Variants in LRRC4C observed in about 807,000 individuals in gnomAD.
LRRC4C encodes leucine-rich repeat-containing protein 4C.
A neutral mutation model predicts 33.6 loss-of-function variants in LRRC4C; 5 were observed. That is an observed-to-expected ratio of 0.15 (90% confidence interval 0.08 to 0.31). LRRC4C has a LOEUF of 0.31. Ranked by LOEUF, LRRC4C falls within the 10% of genes least tolerant of loss-of-function variation. LRRC4C has a pLI of 1.00. For synonymous variants in LRRC4C, 329 were observed against 302.0 expected (o/e 1.09, Z -0.93); for missense variants, 560 against 796.7 (o/e 0.70, Z 3.58).
At chr11:40,296,336 G>A (rs1398915971) in intron 4 of LRRC4C, among the ~76,000 whole-genome samples, 1 of 152,068 alleles carries the variant, frequency 6.6e-6, no homozygotes, top group South Asian at 2.1e-4. Context: ...ATATGGCATG[G>A]TTTTTTGTTA....
intron 2 of LRRC4C, among the ~76,000 whole-genome samples, chr11:40,663,106 A>T (rs1943536267): frequency 6.6e-6 from 1 of 152,182 alleles, no homozygotes; most frequent in Non-Finnish European, 1.5e-5. Flanking sequence ...TTTGAGACGG[A>T]GTCTCACTCT....
intron 2 of LRRC4C, among the ~76,000 whole-genome samples, chr11:40,708,188 G>A (rs1339978220): frequency 6.6e-6 from 1 of 151,830 alleles, no homozygotes; most frequent in Non-Finnish European, 1.5e-5. Context: ...TTTTTTGAAG[G>A]GTTTTTTTTA....
intron 1 of LRRC4C, among the ~76,000 whole-genome samples, chr11:41,061,201 G>T (rs1014717758): frequency 6.6e-6 from 1 of 152,156 alleles, no homozygotes; most frequent in Non-Finnish European, 1.5e-5. Context: ...TTGAGTGGAA[G>T]GGGAAGGAGT....
At chr11:40,167,241 C>T (rs1859670765) in intron 5 of LRRC4C, among the ~76,000 whole-genome samples, 1 of 152,156 alleles carries the variant, frequency 6.6e-6, no homozygotes, top group Non-Finnish European at 1.5e-5. Flanking sequence ...TACATAGCCT[C>T]TGTTTCGACC....
At position 40,586,480 on chromosome 11, in the gene LRRC4C, T is replaced by G. The variant is rs1434974595; in HGVS notation, c.-270+61662A>C. On this transcript the variant is annotated intron_variant, in intron 3 of 6. Coordinates refer to ENST00000528697, the MANE Select transcript of LRRC4C (RefSeq NM_001258419.2). ...CTGTGCAGAAGCTCTTTAGTTTAAT[T>G]AGATCCCATTTGTCAATTTTCTCTT... Among the ~76,000 whole-genome samples the G allele has an allele frequency of 2.7e-3, 395 of 147,504 alleles. 4 individuals are homozygous for G. Among genetic ancestry groups the G allele is most frequent in the African/African-American group, 8.9e-3 (339 of 38,252 alleles).
chr11:40,699,457 T>C (rs753211389), intron 2 of LRRC4C, among the ~76,000 whole-genome samples: 3 of 152,140 alleles, frequency 2.0e-5, no homozygotes, highest in Non-Finnish European at 4.4e-5. Flanking sequence ...ATTATGAGAA[T>C]GAGGAAACAA....
Position 40,259,683 on chromosome 11 carries a change from T to G in LRRC4C, c.-175-18085A>C, listed in dbSNP as rs113461840. 5.8e-3 allele frequency among the ~76,000 whole-genome samples: 886 copies of G among 152,208 alleles called. 8 individuals carry two copies. The highest frequency in any genetic ancestry group is 0.02 in the African/African-American group (829 of 41,528). ...TTAAATAGGGAACCCTTTCCCCATT[T>G]CTTGTTTTTCTCAGGTTTGTCAAAG... On this transcript the variant is annotated intron_variant, in intron 4 of 6. Coordinates refer to ENST00000528697, the MANE Select transcript of LRRC4C (RefSeq NM_001258419.2).
intron 1 of LRRC4C, among the ~76,000 whole-genome samples, chr11:40,936,770 A>C (rs528086868): frequency 5.3e-5 from 8 of 152,314 alleles, no homozygotes; most frequent in African/African-American, 1.7e-4. Context: ...ATAAAAACAG[A>C]AACAGAATGA....
chr11:40,632,745 G>A (rs1230897419), intron 3 of LRRC4C, among the ~76,000 whole-genome samples: 1 of 152,142 alleles, frequency 6.6e-6, no homozygotes. Flanking sequence ...TTTGAATCCA[G>A]TGACCAAGAC....
At chr11:41,033,430 T>C (rs1020368778) in intron 1 of LRRC4C, among the ~76,000 whole-genome samples, 1 of 151,956 alleles carries the variant, frequency 6.6e-6, no homozygotes, top group Non-Finnish European at 1.5e-5. Flanking sequence ...AGGTACAGGG[T>C]TGAGCTGGGA....
chr11:40,314,309 C>T (rs559981030), intron 4 of LRRC4C, among the ~76,000 whole-genome samples: 3 of 152,126 alleles, frequency 2.0e-5, no homozygotes, highest in Admixed American at 6.5e-5. Flanking sequence ...TGTTCATCCT[C>T]GCTAATCATC....
intron 3 of LRRC4C, among the ~76,000 whole-genome samples, chr11:40,323,459 A>C (rs1236416920): frequency 6.6e-6 from 1 of 152,188 alleles, no homozygotes; most frequent in Non-Finnish European, 1.5e-5. Flanking sequence ...ACTCACCTTC[A>C]TAGTTTCATA....
chr11:41,110,396 A>G (rs1244752935), intron 1 of LRRC4C, among the ~76,000 whole-genome samples: 2 of 152,106 alleles, frequency 1.3e-5, no homozygotes, highest in Non-Finnish European at 2.9e-5. Context: ...ATAGATTTAT[A>G]TATTCTTATT....
intron 4 of LRRC4C, among the ~76,000 whole-genome samples, chr11:40,299,708 C>T (rs780652933): frequency 6.6e-6 from 1 of 152,132 alleles, no homozygotes; most frequent in Non-Finnish European, 1.5e-5. Context: ...GTCCTTTGAC[C>T]TCTTAATAAA....
intron 1 of LRRC4C, among the ~76,000 whole-genome samples, chr11:41,366,769 G>A (rs1952560472): frequency 6.6e-6 from 1 of 152,094 alleles, no homozygotes; most frequent in African/African-American, 2.4e-5. Flanking sequence ...TACACAGAGG[G>A]AAGACCATGT....
intron 1 of LRRC4C, among the ~76,000 whole-genome samples, chr11:41,144,204 G>C (rs948575867): frequency 2.0e-5 from 3 of 152,140 alleles, no homozygotes; most frequent in Non-Finnish European, 4.4e-5. Context: ...AACTGCTCTG[G>C]TACAGCTTTC....
chr11:40,225,769 A>C (rs2135961941), intron 5 of LRRC4C, among the ~76,000 whole-genome samples: 1 of 152,100 alleles, frequency 6.6e-6, no homozygotes, highest in East Asian at 1.9e-4. Context: ...GGTGCCCACC[A>C]CTACACCCGG....
chr11:40,405,374 G>A (rs1439668440), intron 3 of LRRC4C, among the ~76,000 whole-genome samples: 1 of 151,928 alleles, frequency 6.6e-6, no homozygotes, highest in Non-Finnish European at 1.5e-5. Context: ...GGTGGCTCAC[G>A]CCTGTAATCC....
intron 6 of LRRC4C, among the ~76,000 whole-genome samples, chr11:40,119,794 C>T (rs1414714301): frequency 6.6e-6 from 1 of 152,124 alleles, no homozygotes; most frequent in African/African-American, 2.4e-5. Context: ...GCATGACTTT[C>T]ATATGCAAAC....
Sources: allele counts gnomAD v4.1 joint callset (sites outside exome capture counted in the v4.1 genomes callset), GRCh38; gene constraint gnomAD v4.1.1; transcripts MANE v1.5; gene names NCBI Gene and HGNC (gene_info 2026-07-23, HGNC 2026-07-21).